Variants in IPO5 observed in about 807,000 individuals in gnomAD.
IPO5 encodes importin-5.
In IPO5, 18 loss-of-function variants were observed where a neutral mutation model predicts 143.3. The observed-to-expected ratio is 0.13, with a 90% CI of 0.09 to 0.19. The LOEUF is 0.19. IPO5 is among the 10% of genes least tolerant of loss of function. IPO5 has a pLI of 1.00. For synonymous variants in IPO5, 477 were observed against 465.7 expected (o/e 1.02, Z -0.31); for missense variants, 1,013 against 1,336.9 (o/e 0.76, Z 3.78).
intron 25 of IPO5, among the ~76,000 whole-genome samples, chr13:98,017,550 G>A (rs777924437): frequency 4.0e-5 from 6 of 151,806 alleles, no homozygotes; most frequent in African/African-American, 9.7e-5. Flanking sequence ...CACCCGCCTC[G>A]GCCTCCCAAA....
intron 13 of IPO5, chr13:98,001,999 T>G (rs1463343532): frequency 1.3e-5 from 2 of 152,074 alleles, no homozygotes; most frequent in South Asian, 2.1e-4. Context: ...TTGTTTTTTG[T>G]TTTTTTTGTT....
intron 3 of IPO5, among the ~76,000 whole-genome samples, chr13:97,976,238 C>T (rs1200077518): frequency 6.6e-6 from 1 of 151,622 alleles, no homozygotes; most frequent in African/African-American, 2.4e-5. Context: ...GCCGGCTCCT[C>T]CCGCTGTCCC....
intron 27 of IPO5, among the ~76,000 whole-genome samples, chr13:98,020,243 C>T (rs1320861010): frequency 6.6e-6 from 1 of 152,138 alleles, no homozygotes; most frequent in East Asian, 1.9e-4. Context: ...TTTTCTAAGT[C>T]CAAGTTCCCC....
At chr13:97,987,917 A>G (rs1471488282) in intron 6 of IPO5, 4 of 236,556 alleles carry the variant, frequency 1.7e-5, no homozygotes, top group Non-Finnish European at 3.7e-5. Flanking sequence ...TAACAATGCA[A>G]ACCTTTCCAA....
intron 16 of IPO5, among the ~76,000 whole-genome samples, chr13:98,004,819 CGTG>C (rs1157227478): frequency 6.6e-6 from 1 of 152,030 alleles, no homozygotes; most frequent in Non-Finnish European, 1.5e-5. Flanking sequence ...GTGTAATTGA[CGTG>C]GGGAATTATG....
Position 97,985,314 on chromosome 13 carries a change from T to A in IPO5, c.172-107T>A. 4 of 819,622 alleles carry A rather than the reference T, an allele frequency of 4.9e-6. No homozygotes were observed. In the South Asian group the frequency reaches 6.9e-5, roughly 14 times the overall value. 50.8% of individuals were successfully genotyped at this position (819,622 alleles called of 1,614,324 possible). ...ACTAATGTAATTAGAAAGAGTTATATATTTACTTCTTTAGAAAATTAGGCG... is the reference window on the plus strand; with the variant it reads ...ACTAATGTAATTAGAAAGAGTTATAAATTTACTTCTTTAGAAAATTAGGCG... On this transcript the variant is annotated intron_variant, in intron 5 of 28. Coordinates refer to ENST00000651721, the MANE Select transcript of IPO5 (RefSeq NM_002271.6).
At chr13:97,992,868 G>A (rs376772642) in intron 9 of IPO5, 24 bp from the exon 10 acceptor site, 19 of 1,591,932 alleles carry the variant, frequency 1.2e-5, no homozygotes, top group South Asian at 4.5e-5. Context: ...CTTCAGCACC[G>A]ACTTTCTGTT....
intron 20 of IPO5, 65 bp downstream of exon 20, chr13:98,010,289 T>C: frequency 7.1e-7 from 1 of 1,407,250 alleles, no homozygotes; most frequent in Non-Finnish European, 9.8e-7. Context: ...TATGAGTGCT[T>C]TTAATAGCTG....
intron 9 of IPO5, among the ~76,000 whole-genome samples, chr13:97,991,185 C>T (rs1887767861): frequency 1.3e-5 from 2 of 151,940 alleles, no homozygotes; most frequent in African/African-American, 4.8e-5. Flanking sequence ...AAATGAAATG[C>T]ATAAGTAATG....
intron 21 of IPO5, among the ~76,000 whole-genome samples, chr13:98,013,238 G>T (rs1889859320): frequency 6.6e-6 from 1 of 151,934 alleles, no homozygotes; most frequent in Non-Finnish European, 1.5e-5. Context: ...TGTATTTTTT[G>T]TTTGTTTGTT....
In IPO5 at chr13:98,015,707, T is replaced by G. The variant is rs777705991; in HGVS notation, c.2438-19T>G. The G allele has an allele frequency of 6.2e-7, 1 of 1,603,576 alleles. No homozygotes were observed. The highest frequency in any genetic ancestry group is 1.7e-5 in the Admixed American group (1 of 59,276). On this transcript the variant is annotated intron_variant, in intron 23 of 28. Transcript: ENST00000651721. ...CCATCTTGGCAATCATTTAAAACATTTATTTGGGTGTGTTTTAGTTAAAAG... is the reference window on the plus strand; with the variant it reads ...CCATCTTGGCAATCATTTAAAACATGTATTTGGGTGTGTTTTAGTTAAAAG...
At position 98,022,340 on chromosome 13, in the gene IPO5, T is replaced by A. The variant is rs1890548810; in HGVS notation, c.*518T>A. 1 of 152,618 alleles carries A rather than the reference T, an allele frequency of 6.6e-6. No individual in the cohort carries two copies. Among genetic ancestry groups the A allele is most frequent in the Non-Finnish European group, 1.5e-5 (1 of 68,096 alleles). 9.5% of individuals were successfully genotyped at this position (152,618 alleles called of 1,614,324 possible). A position where few individuals can be genotyped will look rare whatever the true frequency, so the allele number is the denominator to read the frequency against. On this transcript the variant is annotated 3_prime_UTR_variant, in exon 29 of 29. Transcript: ENST00000651721. ...AAGCATGAAGATGGCATATTTGATG[T>A]CACTTTGGTTCTTTTTCCCAGAAGG...
At chr13:97,999,697 C>G (rs1025794614) in intron 12 of IPO5, among the ~76,000 whole-genome samples, 1 of 152,178 alleles carries the variant, frequency 6.6e-6, no homozygotes, top group Non-Finnish European at 1.5e-5. Context: ...TGCCCACATT[C>G]CTTTGGCTTT....
intron 2 of IPO5, among the ~76,000 whole-genome samples, chr13:97,965,752 AGTTT>A (rs966884571): frequency 2.3e-4 from 27 of 118,344 alleles, no homozygotes; most frequent in South Asian, 1.1e-3. Flanking sequence ...TTGTTCTAAT[AGTTT>A]GTGTGTGTGT....
At chr13:97,983,965 CTTTTTTTTTTTTTTTTTTT>C (rs71117684) in intron 5 of IPO5, among the ~76,000 whole-genome samples, 1 of 45,824 alleles carries the variant, frequency 2.2e-5, no homozygotes, top group African/African-American at 8.9e-5. Flanking sequence ...AGGGTAACTT[CTTTTTTTTTTTTTTTTTTT>C]TTTTTTTTTT....
chr13:97,965,665 T>A (rs1302066820), intron 2 of IPO5, among the ~76,000 whole-genome samples: 1 of 152,194 alleles, frequency 6.6e-6, no homozygotes, highest in African/African-American at 2.4e-5. Flanking sequence ...TCAGATTGTT[T>A]ATTGCTAGTG....
At chr13:98,015,859 A>C in intron 24 of IPO5, 78 bp downstream of exon 24, 1 of 857,694 alleles carries the variant, frequency 1.2e-6, no homozygotes, top group South Asian at 1.7e-5. Flanking sequence ...TTTCTGATTT[A>C]TGTGACTTGT....
At chr13:98,014,434 C>T (rs1334288625) in intron 22 of IPO5, among the ~76,000 whole-genome samples, 2 of 152,162 alleles carry the variant, frequency 1.3e-5, no homozygotes, top group African/African-American at 2.4e-5. Flanking sequence ...TGCACCACCA[C>T]ACCTGGCTAC....
chr13:98,004,649 T>G (rs1161178073), intron 16 of IPO5, among the ~76,000 whole-genome samples: 1 of 152,060 alleles, frequency 6.6e-6, no homozygotes, highest in African/African-American at 2.4e-5. Context: ...GAAGAGAAGG[T>G]AGCCTAGCAG....
Sources: allele counts gnomAD v4.1 joint callset (sites outside exome capture counted in the v4.1 genomes callset), GRCh38; gene constraint gnomAD v4.1.1; transcripts MANE v1.5; gene names NCBI Gene and HGNC (gene_info 2026-07-23, HGNC 2026-07-21).